Variants in STYXL2 observed in about 807,000 individuals in gnomAD.
STYXL2 encodes the protein serine/threonine/tyrosine interacting like 2.
A neutral mutation model predicts 52.4 loss-of-function variants in STYXL2; 44 were observed. That is an observed-to-expected ratio of 0.84 (90% CI 0.66 to 1.08). The LOEUF is 1.08. Among genes scored for constraint, STYXL2 ranks in the 50% least tolerant of loss-of-function variants. STYXL2 has a pLI of 0.00. For missense variants in STYXL2, 1,604 were observed against 1,471.7 expected, an observed-to-expected ratio of 1.09 and a Z score of -1.47; for synonymous variants, 604 against 586.9, an observed-to-expected ratio of 1.03 and a Z score of -0.42.
chr1:167,125,735 C>A (rs1020500256), intron 5 of STYXL2, 52 bp from the exon 6 acceptor site: 1 of 1,529,066 alleles, frequency 6.5e-7, no homozygotes. Flanking sequence ...AACAAGAACA[C>A]TACAAGGAAG....
Position 167,113,931 on chromosome 1 carries a change from G to A in STYXL2, c.205+127G>A, listed in dbSNP as rs1209176556. ...CCATCACGTTAGGAAGAGCAGATCT[G>A]CAGAAGGCAGTTCTGCCAACCCTAC... On this transcript the variant is annotated intron_variant, in intron 3 of 5. Coordinates refer to ENST00000361200, the MANE Select transcript of STYXL2 (RefSeq NM_001080426.3). 9.4e-6 allele frequency: 7 copies of A among 746,926 alleles called. No individual in the cohort carries two copies. In the African/African-American group the frequency reaches 1.0e-4, roughly 11 times the overall value. 46.3% of individuals were successfully genotyped at this position (746,926 alleles called of 1,614,324 possible).
At position 167,094,945 on chromosome 1, in the gene STYXL2, C is replaced by A; in HGVS notation, c.96C>A (p.Ser32Arg). The change falls in exon 2 of 6, where the codon AGC (serine) becomes AGA (arginine). Residue 32 changes from serine (S) to arginine (R), a missense_variant. Physicochemically the swap from Ser to Arg is moderately radical, Grantham distance 110. Transcript: ENST00000361200. ...VRAVQAHYLR[S>R]PSPSQYSMVS... ...CGGTGCAGGCCCACTACCTCCGAAG[C>A]CCCTCCCCTAGCCAGTAAGTGACCA... The A allele has an allele frequency of 2.5e-6, 4 of 1,605,420 alleles. No homozygotes were observed. The highest frequency in any genetic ancestry group is 3.4e-6 in the Non-Finnish European group (4 of 1,176,424).
In STYXL2 at chr1:167,127,296, G is replaced by C. The variant is rs1667996576; in HGVS notation, c.2165G>C (p.Ser722Thr). The C allele has an allele frequency of 6.2e-7, 1 of 1,614,224 alleles. No individual in the cohort carries two copies. The highest frequency in any genetic ancestry group is 1.1e-5 in the South Asian group (1 of 91,088). The part of the protein sequence containing the change: ...VGPGDTISIA[S>T]IQNWIANVVS... Reference sequence around the variant, plus strand: ...CCTGGAGACACCATTTCCATTGCCAGTATCCAGAACTGGATTGCCAATGTA... The same window carrying C: ...CCTGGAGACACCATTTCCATTGCCACTATCCAGAACTGGATTGCCAATGTA... The change falls in exon 6 of 6, where the codon AGT (serine) becomes ACT (threonine). Residue 722 changes from serine to threonine, a missense_variant. By Grantham distance (58) the Ser-to-Thr change is moderately conservative. Coordinates refer to ENST00000361200, the MANE Select transcript of STYXL2 (RefSeq NM_001080426.3).
intron 3 of STYXL2, among the ~76,000 whole-genome samples, chr1:167,117,099 C>A (rs1667740196): frequency 6.6e-6 from 1 of 152,188 alleles, no homozygotes; most frequent in African/African-American, 2.4e-5. Flanking sequence ...AAATTGGATC[C>A]CCTTTACCCA....
chr1:167,128,094 A>G lies in STYXL2; in HGVS notation c.2963A>G (p.Gln988Arg). Residue 988 changes from glutamine to arginine, a missense_variant, in exon 6 of 6, where the codon CAG (glutamine) becomes CGG (arginine). Gln to Arg is a conservative substitution (Grantham distance 43). Transcript: ENST00000361200. ...TTTTCCAAATCCCAGTCAGAGGAACAGGACACCTCCTCCTACCACGAGGCA... is the reference window on the plus strand; with the variant it reads ...TTTTCCAAATCCCAGTCAGAGGAACGGGACACCTCCTCCTACCACGAGGCA... ...YKFSKSQSEE[Q>R]DTSSYHEANG... 2 of 1,614,260 alleles carry G rather than the reference A, an allele frequency of 1.2e-6. No homozygotes were observed. Among genetic ancestry groups the G allele is most frequent in the Non-Finnish European group, 1.7e-6 (2 of 1,180,040 alleles).
rs750689944 is a variant in STYXL2 at position 167,127,065 on chromosome 1, G to T, written c.1934G>T (p.Ser645Ile). The change falls in exon 6 of 6, where the codon AGC (serine) becomes ATC (isoleucine). Residue 645 changes from serine (S) to isoleucine (I), a missense_variant. Ser to Ile is a moderately radical substitution (Grantham distance 142). Transcript: ENST00000361200. ...QTLEESQSMASWEADSSTASG... is the reference protein window; with the variant it reads ...QTLEESQSMAIWEADSSTASG... ...CTGGAGGAGAGCCAGTCTATGGCAA[G>T]CTGGGAGGCGGACAGCTCCACGGCC... 8 of 1,612,144 alleles carry T rather than the reference G, an allele frequency of 5.0e-6. No homozygotes were observed. Among genetic ancestry groups the T allele is most frequent in the Non-Finnish European group, 6.8e-6 (8 of 1,178,856 alleles).
intron 5 of STYXL2, among the ~76,000 whole-genome samples, chr1:167,124,401 G>C (rs1571347109): frequency 6.6e-6 from 1 of 152,206 alleles, no homozygotes; most frequent in South Asian, 2.1e-4. Flanking sequence ...TATTGTTAGA[G>C]AGGATTTTTA....
rs1461213688 is a variant in STYXL2, at chr1:167,127,496, G to T, written c.2365G>T (p.Ala789Ser). 6.2e-7 allele frequency: 1 copy of T among 1,614,102 alleles called. No homozygotes were observed. The highest frequency in any genetic ancestry group is 2.2e-5 in the East Asian group (1 of 44,872). ...TGGCTGCCTGTTGCCTCAGAGCCAG[G>T]CAAGACCCAGCTCTGACATGCAGTC... Reference protein sequence around the residue: ...LGGCLLPQSQARPSSDMQSVL... With the variant: ...LGGCLLPQSQSRPSSDMQSVL... The change falls in exon 6 of 6, where the codon GCA (alanine) becomes TCA (serine). Residue 789 changes from alanine (A) to serine (S), a missense_variant. By Grantham distance (99) the Ala-to-Ser change is moderately conservative (BLOSUM62 1). Coordinates refer to ENST00000361200, the MANE Select transcript of STYXL2 (RefSeq NM_001080426.3).
At chr1:167,095,852 C>T (rs1283618051) in intron 2 of STYXL2, among the ~76,000 whole-genome samples, 2 of 152,118 alleles carry the variant, frequency 1.3e-5, no homozygotes, top group African/African-American at 4.8e-5. Context: ...CTTGATTTCA[C>T]TTTTCTCTGA....
chr1:167,117,689 T>A, intron 4 of STYXL2, 130 bp downstream of exon 4: 1 of 777,764 alleles, frequency 1.3e-6, no homozygotes, highest in Non-Finnish European at 2.0e-6. Context: ...GCCTAGCCAC[T>A]TACCCTGCCC....
intron 5 of STYXL2, among the ~76,000 whole-genome samples, chr1:167,120,442 A>T (rs55767209): frequency 6.2e-4 from 94 of 152,302 alleles, no homozygotes; most frequent in Non-Finnish European, 1.2e-3. Flanking sequence ...ATAACGTTTT[A>T]AAAATGCATA....
chr1:167,119,442 G>C lies in STYXL2; in HGVS notation c.631G>C (p.Asp211His). ...QHFRKASEFL[D>H]EALLTYRGKV... ...TTTCCGGAAGGCGTCTGAGTTCCTG[G>C]ATGAGGCGCTGCTGACTTACAGAGG... Residue 211 changes from aspartate to histidine, a missense_variant, in exon 5 of 6, where the codon GAT becomes CAT. Physicochemically the swap from Asp to His is moderately conservative, Grantham distance 81. Transcript: ENST00000361200. 6.2e-7 allele frequency: 1 copy of C among 1,614,196 alleles called. No homozygotes were observed. Among genetic ancestry groups the C allele is most frequent in the Non-Finnish European group, 8.5e-7 (1 of 1,180,040 alleles).
chr1:167,126,209 C>A lies in STYXL2; in HGVS notation c.1078C>A (p.Leu360Ile). The A allele has an allele frequency of 1.3e-6, 2 of 1,536,232 alleles. No homozygotes were observed. ...CGAGCAGTGGAAGAAGGGGCAGGGCCTCCTCTCAGACAAGGTCCCCCAGGA... is the reference window on the plus strand; with the variant it reads ...CGAGCAGTGGAAGAAGGGGCAGGGCATCCTCTCAGACAAGGTCCCCCAGGA... ...LYEQWKKGQG[L>I]LSDKVPQDGG... The change falls in exon 6 of 6, where the codon CTC (leucine) becomes ATC (isoleucine). Residue 360 changes from leucine (L) to isoleucine (I), a missense_variant. By Grantham distance (5) the Leu-to-Ile change is conservative. Transcript: ENST00000361200.
rs770472719 is a variant in STYXL2 at position 167,128,039 on chromosome 1, G to T, written c.2908G>T (p.Glu970Ter). ...GKYTRSSLLR[E>*]TESKSSSYKF... ...GTACACCAGATCGTCCCTGCTCAGGGAGACAGAGTCTAAATCCTCCAGTTA... is the reference window on the plus strand; with the variant it reads ...GTACACCAGATCGTCCCTGCTCAGGTAGACAGAGTCTAAATCCTCCAGTTA... Residue 970 changes from glutamate (E) to a stop codon, truncating the protein, a stop_gained, in exon 6 of 6, where the codon GAG (glutamate) becomes TAG (stop). Coordinates refer to ENST00000361200, the MANE Select transcript of STYXL2 (RefSeq NM_001080426.3). LOFTEE classifies it high-confidence loss of function. 18 of 1,614,070 alleles carry T rather than the reference G, an allele frequency of 1.1e-5. No individual in the cohort carries two copies. In the South Asian group the frequency reaches 2.0e-4, roughly 18 times the overall value.
At chr1:167,109,308 TACC>T (rs1667569300) in intron 2 of STYXL2, among the ~76,000 whole-genome samples, 1 of 152,172 alleles carries the variant, frequency 6.6e-6, no homozygotes, top group Non-Finnish European at 1.5e-5. Flanking sequence ...CATCCCTGCT[TACC>T]GGCTGCCTAA....
At chr1:167,124,439 T>G (rs1421339323) in intron 5 of STYXL2, among the ~76,000 whole-genome samples, 1 of 152,204 alleles carries the variant, frequency 6.6e-6, no homozygotes, top group African/African-American at 2.4e-5. Flanking sequence ...CCCCAAAGAC[T>G]GTTGGCAAGT....
intron 4 of STYXL2, among the ~76,000 whole-genome samples, chr1:167,118,225 G>A (rs752342359): frequency 3.3e-5 from 5 of 151,940 alleles, no homozygotes; most frequent in East Asian, 3.9e-4. Flanking sequence ...GTTTATCAGC[G>A]GTTTCCAGAA....
chr1:167,128,788 G>C lies in STYXL2; in HGVS notation c.*180G>C, dbSNP rs902924913. 7.0e-6 allele frequency: 7 copies of C among 1,000,902 alleles called. No homozygotes were observed. In the East Asian group the frequency reaches 1.1e-4, roughly 15 times the overall value. The allele number at this position is 1,000,902 out of a possible 1,614,324, so 62.0% of individuals were successfully genotyped here. Reference sequence around the variant, plus strand: ...AGGTGGAGTAGGGAGGAGGCAAGGAGGGGGAGAACCATCAATACGAATACG... The same window carrying C: ...AGGTGGAGTAGGGAGGAGGCAAGGACGGGGAGAACCATCAATACGAATACG... On this transcript the variant is annotated 3_prime_UTR_variant, in exon 6 of 6. Coordinates refer to ENST00000361200, the MANE Select transcript of STYXL2 (RefSeq NM_001080426.3).
chr1:167,114,131 A>G (rs1480629940), intron 3 of STYXL2, among the ~76,000 whole-genome samples: 2 of 152,154 alleles, frequency 1.3e-5, no homozygotes, highest in Non-Finnish European at 2.9e-5. Context: ...AGAAATGGCC[A>G]GAAGCATCCA....
Sources: allele counts gnomAD v4.1 joint callset (sites outside exome capture counted in the v4.1 genomes callset), GRCh38; gene constraint gnomAD v4.1.1; transcripts MANE v1.5; gene names NCBI Gene and HGNC (gene_info 2026-07-23, HGNC 2026-07-21).